The following ZBTB20 variants were observed in gnomAD, a reference collection of about 807,000 sequenced individuals.
ZBTB20 encodes zinc finger and BTB domain containing 20.
Under a neutral mutation model 56.9 loss-of-function variants are expected in ZBTB20, and 9 were observed. The ratio of observed to expected loss-of-function variants is 0.16; its 90% CI spans 0.10 to 0.28. ZBTB20 has a LOEUF of 0.28. Among genes scored for constraint, ZBTB20 ranks in the 10% least tolerant of loss-of-function variants. The pLI is 1.00. For missense variants in ZBTB20, 655 were observed against 1,003.0 expected (o/e 0.65, Z 4.69); for synonymous variants, 417 against 420.7 (o/e 0.99, Z 0.11).
chr3:114,828,992 C>T (rs922299912), intron 4 of ZBTB20, among the ~76,000 whole-genome samples: 1 of 151,798 alleles, frequency 6.6e-6, no homozygotes, highest in African/African-American at 2.4e-5. Context: ...CTTATGGATT[C>T]TAGCTCCTTT....
At chr3:114,758,988 T>C (rs949488612) in intron 5 of ZBTB20, 1 of 152,132 alleles carries the variant, frequency 6.6e-6, no homozygotes, top group African/African-American at 2.4e-5. Flanking sequence ...CCCTCGAGAA[T>C]GTTAAGAATT....
intron 2 of ZBTB20, among the ~76,000 whole-genome samples, chr3:115,020,228 T>C (rs930497926): frequency 6.6e-6 from 1 of 151,142 alleles, no homozygotes; most frequent in Non-Finnish European, 1.5e-5. Context: ...TATTGCTTAT[T>C]CAAAAAGACA....
chr3:115,139,972 T>A (rs1417918564), intron 1 of ZBTB20, among the ~76,000 whole-genome samples: 1 of 152,044 alleles, frequency 6.6e-6, no homozygotes, highest in East Asian at 1.9e-4. Flanking sequence ...AATTAAACTT[T>A]TATAAAAGAC....
At chr3:114,686,930 C>T (rs1316686069) in intron 6 of ZBTB20, among the ~76,000 whole-genome samples, 1 of 151,946 alleles carries the variant, frequency 6.6e-6, no homozygotes, top group Non-Finnish European at 1.5e-5. Context: ...AGTGAACCTT[C>T]AACAACAACA....
Position 115,108,706 on chromosome 3 carries a change from C to G in ZBTB20, c.-702-37292G>C, listed in dbSNP as rs376156028. On this transcript the variant is annotated intron_variant, in intron 1 of 11. Transcript: ENST00000675478. ...GTAGCCTTTATAATCACGGCAGTTT[C>G]CTAATAAGACAGAAAATATTACCGG... Among the ~76,000 whole-genome samples, 178 of 152,280 alleles carry G rather than the reference C, an allele frequency of 1.2e-3. 1 individual carries two copies. Among genetic ancestry groups the G allele is most frequent in the African/African-American group, 4.2e-3 (173 of 41,566 alleles).
intron 7 of ZBTB20, among the ~76,000 whole-genome samples, chr3:114,404,509 C>T (rs1371216660): frequency 1.3e-5 from 2 of 151,986 alleles, no homozygotes; most frequent in Non-Finnish European, 1.5e-5. Context: ...CATAAAAATA[C>T]CCTGGTATCT....
chr3:114,725,974 CAGTGGGT>C (rs1262799083), intron 5 of ZBTB20, among the ~76,000 whole-genome samples: 2 of 152,176 alleles, frequency 1.3e-5, no homozygotes, highest in Non-Finnish European at 2.9e-5. Flanking sequence ...GTGGTGACCA[CAGTGGGT>C]ACTGAATAAA....
At chr3:114,829,120 C>T (rs563840412) in intron 4 of ZBTB20, among the ~76,000 whole-genome samples, 1 of 151,700 alleles carries the variant, frequency 6.6e-6, no homozygotes, top group Non-Finnish European at 1.5e-5. Flanking sequence ...TCAAAAAGGG[C>T]TCCTTAAGTA....
chr3:115,029,067 A>C (rs922483806), intron 2 of ZBTB20, among the ~76,000 whole-genome samples: 51 of 150,364 alleles, frequency 3.4e-4, no homozygotes, highest in African/African-American at 1.2e-3. Flanking sequence ...CTATACACAC[A>C]CACATACACA....
intron 7 of ZBTB20, among the ~76,000 whole-genome samples, chr3:114,493,722 T>C (rs958386043): frequency 1.3e-5 from 2 of 152,234 alleles, no homozygotes; most frequent in Non-Finnish European, 2.9e-5. Flanking sequence ...CCAGACTCAG[T>C]TAAATCTTCT....
chr3:114,728,797 T>C (rs770248584), intron 5 of ZBTB20, among the ~76,000 whole-genome samples: 1 of 152,256 alleles, frequency 6.6e-6, no homozygotes, highest in Non-Finnish European at 1.5e-5. Flanking sequence ...TCATGTAGAA[T>C]ACTGACTTTT....
chr3:114,777,791 C>T (rs1196526694), intron 5 of ZBTB20, among the ~76,000 whole-genome samples: 1 of 151,988 alleles, frequency 6.6e-6, no homozygotes, highest in African/African-American at 2.4e-5. Context: ...AAGACACATG[C>T]ACATGTATGT....
intron 6 of ZBTB20, among the ~76,000 whole-genome samples, chr3:114,647,141 G>C (rs1042229899): frequency 6.6e-6 from 1 of 151,984 alleles, no homozygotes; most frequent in Non-Finnish European, 1.5e-5. Flanking sequence ...TGTATTTTTA[G>C]TAGAGACTGG....
rs188201905 is a variant in ZBTB20 at position 114,916,259 on chromosome 3, T to C, written c.-455-15917A>G. 6.5e-4 allele frequency among the ~76,000 whole-genome samples: 99 copies of C among 152,256 alleles called. 1 individual carries two copies. Among genetic ancestry groups the C allele is most frequent in the Middle Eastern group, 3.4e-3 (1 of 292 alleles). The stretch of plus-strand genomic sequence containing the variant: ...GTGTTGGGTGTATATTTATTTACAG[T>C]TGTTATATCCTCTTGCTAAACTGAC... On this transcript the variant is annotated intron_variant, in intron 3 of 11. Coordinates refer to ENST00000675478, the MANE Select transcript of ZBTB20 (RefSeq NM_001348800.3).
intron 4 of ZBTB20, among the ~76,000 whole-genome samples, chr3:114,834,599 T>C (rs1341982792): frequency 6.6e-6 from 1 of 152,166 alleles, no homozygotes; most frequent in Admixed American, 6.6e-5. Context: ...AGGCTGTTCT[T>C]TTTTCTCTTT....
chr3:114,450,983 C>T (rs942978839), intron 7 of ZBTB20, among the ~76,000 whole-genome samples: 1 of 152,052 alleles, frequency 6.6e-6, no homozygotes, highest in South Asian at 2.1e-4. Flanking sequence ...ATTTCTTTCT[C>T]TTCCTTGAAT....
chr3:115,116,574 G>T (rs1255251058), intron 1 of ZBTB20, among the ~76,000 whole-genome samples: 1 of 151,914 alleles, frequency 6.6e-6, no homozygotes, highest in East Asian at 1.9e-4. Context: ...GATAATAAGA[G>T]ATAACATTTT....
intron 6 of ZBTB20, among the ~76,000 whole-genome samples, chr3:114,675,448 A>G (rs2061578091): frequency 6.6e-6 from 1 of 152,134 alleles, no homozygotes; most frequent in Non-Finnish European, 1.5e-5. Context: ...AGCATTCCCA[A>G]CATTCTGTTT....
chr3:114,679,141 A>T (rs1389822455), intron 6 of ZBTB20, among the ~76,000 whole-genome samples: 1 of 152,190 alleles, frequency 6.6e-6, no homozygotes, highest in Non-Finnish European at 1.5e-5. Flanking sequence ...TTCAAGATGG[A>T]TTAAAGACTT....
Sources: allele counts gnomAD v4.1 joint callset (sites outside exome capture counted in the v4.1 genomes callset), GRCh38; gene constraint gnomAD v4.1.1; transcripts MANE v1.5; gene names NCBI Gene and HGNC (gene_info 2026-07-23, HGNC 2026-07-21).